EIF4E3: variants seen among roughly 807,000 people sequenced by gnomAD.
The protein encoded by EIF4E3 is eukaryotic translation initiation factor 4E type 3.
A neutral mutation model predicts 31.7 loss-of-function variants in EIF4E3; 26 were observed. That is an observed-to-expected ratio of 0.82 (90% CI 0.60 to 1.14). EIF4E3 has a LOEUF of 1.14. Ranked by LOEUF, EIF4E3 falls within the 50% of genes most tolerant of loss-of-function variation. The probability of loss-of-function intolerance (pLI) is 0.00; values close to 1 mark genes in which losing one functional copy is unlikely to be tolerated. For synonymous variants in EIF4E3, 128 were observed against 107.7 expected (o/e 1.19, Z -1.17); for missense variants, 304 against 270.9 (o/e 1.12, Z -0.86).
Position 71,684,721 on chromosome 3 carries a change from T to C in EIF4E3, c.636A>G (p.Glu212=). 6.2e-7 allele frequency: 1 copy of C among 1,613,918 alleles called. No homozygotes were observed. Residue 212 remains glutamate, a synonymous_variant, in exon 7 of 7, where the codon GAA becomes GAG. Transcript: ENST00000425534. ...GTCCACCTTCAAAAGCATGATGCTCTTCATGGGCTAAAGGACAGAAAAAAA... is the reference window on the plus strand; with the variant it reads ...GTCCACCTTCAAAAGCATGATGCTCCTCATGGGCTAAAGGACAGAAAAAAA... ...TFKAVFYKPH[E]EHHAFEGGRG... is the part of the protein sequence containing the mutation.
At chr3:71,753,577 G>T (rs1442794660) in exon 1 of EIF4E3, 1 of 150,094 alleles carries the variant, frequency 6.7e-6, no homozygotes, top group Admixed American at 6.7e-5. Context: ...GGGCCCAGGC[G>T]GTGCGGGATG....
At chr3:71,722,002 G>A (rs1271107792) in intron 1 of EIF4E3, among the ~76,000 whole-genome samples, 1 of 148,664 alleles carries the variant, frequency 6.7e-6, no homozygotes, top group Non-Finnish European at 1.5e-5. Context: ...GGGCATGGCA[G>A]AAGGGAGAGT....
chr3:71,750,311 G>A (rs2049913851), intron 1 of EIF4E3, among the ~76,000 whole-genome samples: 2 of 152,142 alleles, frequency 1.3e-5, no homozygotes, highest in Non-Finnish European at 2.9e-5. Flanking sequence ...GAGGTTAAGT[G>A]ACTTGTCGAA....
chr3:71,670,595 G>C (rs970914240), downstream of EIF4E3, among the ~76,000 whole-genome samples: 4 of 152,168 alleles, frequency 2.6e-5, no homozygotes, highest in African/African-American at 9.7e-5. Context: ...AAAATAAGCA[G>C]GTATTACTTT....
chr3:71,672,132 A>T (rs890781349), downstream of EIF4E3, among the ~76,000 whole-genome samples: 6 of 152,116 alleles, frequency 3.9e-5, no homozygotes, highest in Admixed American at 3.9e-4. Flanking sequence ...CAGGTACATA[A>T]ATTCCCTGGA....
Position 71,693,919 on chromosome 3 carries a change from A to T in EIF4E3, c.428T>A (p.Leu143Gln). Residue 143 changes from leucine (L) to glutamine (Q), a missense_variant, in exon 5 of 7, where the codon CTG becomes CAG. Physicochemically the swap from Leu to Gln is moderately radical, Grantham distance 113 (BLOSUM62 -2). Coordinates refer to ENST00000425534, the MANE Select transcript of EIF4E3 (RefSeq NM_001134651.2). ...GAACTGTTCCCCGATGGTTGCTAAC[A>T]GCAACTCTTTCCAAACTGTGGACTG... Reference protein sequence around the residue: ...DSTSTVWKELLLATIGEQFTD... With the variant: ...DSTSTVWKELQLATIGEQFTD... The T allele has an allele frequency of 2.5e-6, 4 of 1,586,356 alleles. No homozygotes were observed. The South Asian group carries it at 3.4e-5, about 14-fold the overall frequency.
intron 3 of EIF4E3, among the ~76,000 whole-genome samples, chr3:71,697,790 A>G (rs1267102129): frequency 2.0e-5 from 3 of 152,310 alleles, no homozygotes; most frequent in African/African-American, 4.8e-5. Context: ...TACATGTACC[A>G]TATTTTCTTT....
intron 1 of EIF4E3, among the ~76,000 whole-genome samples, chr3:71,750,607 A>G (rs2049916696): frequency 6.6e-6 from 1 of 152,184 alleles, no homozygotes; most frequent in South Asian, 2.1e-4. Context: ...TGTGGAGATC[A>G]TGAGGATGGA....
chr3:71,711,574 G>A (rs1435918263), intron 1 of EIF4E3, among the ~76,000 whole-genome samples: 6 of 152,210 alleles, frequency 3.9e-5, no homozygotes, highest in Admixed American at 6.5e-5. Flanking sequence ...GCTCAGAGGT[G>A]GAGGCAATGC....
At chr3:71,714,305 C>A (rs2321976) in intron 1 of EIF4E3, among the ~76,000 whole-genome samples, 138 of 90,292 alleles carry the variant, frequency 1.5e-3, no homozygotes, top group African/African-American at 5.4e-3. Context: ...AAGGAAGGAA[C>A]GAAAGAAAGG....
chr3:71,740,138 T>C (rs1046595477), intron 1 of EIF4E3, among the ~76,000 whole-genome samples: 2 of 151,804 alleles, frequency 1.3e-5, no homozygotes, highest in Non-Finnish European at 2.9e-5. Context: ...ATAAATAATA[T>C]TTAATTAATC....
chr3:71,684,699 C>G lies in EIF4E3; in HGVS notation c.658G>C (p.Gly220Arg). 6.2e-7 allele frequency: 1 copy of G among 1,613,606 alleles called. No homozygotes were observed. Among genetic ancestry groups the G allele is most frequent in the Non-Finnish European group, 8.5e-7 (1 of 1,179,866 alleles). Residue 220 changes from glycine (G) to arginine (R), a missense_variant, in exon 7 of 7, where the codon GGA (glycine) becomes CGA (arginine). Physicochemically the swap from Gly to Arg is moderately radical, Grantham distance 125. Transcript: ENST00000425534. ...PHEEHHAFEG[G>R]RGKH is the part of the protein sequence containing the mutation. ...GAGTGCAATTAGTGTTTTCCACGTC[C>G]ACCTTCAAAAGCATGATGCTCTTCA...
At chr3:71,717,621 T>C (rs1164038892) in intron 1 of EIF4E3, among the ~76,000 whole-genome samples, 1 of 152,192 alleles carries the variant, frequency 6.6e-6, no homozygotes, top group Non-Finnish European at 1.5e-5. Flanking sequence ...TCCGATACTT[T>C]AGGATGAGAG....
intron 1 of EIF4E3, among the ~76,000 whole-genome samples, chr3:71,722,932 C>T (rs2049573874): frequency 1.3e-5 from 2 of 152,206 alleles, no homozygotes; most frequent in Admixed American, 1.3e-4. Context: ...GAGACATAGC[C>T]TATGACTATC....
chr3:71,731,167 A>G (rs913366228), intron 1 of EIF4E3, among the ~76,000 whole-genome samples: 4 of 152,148 alleles, frequency 2.6e-5, no homozygotes, highest in African/African-American at 9.7e-5. Flanking sequence ...CCTGCCAGAC[A>G]GCAGCCTGAA....
intron 5 of EIF4E3, among the ~76,000 whole-genome samples, chr3:71,691,357 A>G (rs2049060979): frequency 6.6e-6 from 1 of 152,224 alleles, no homozygotes; most frequent in Admixed American, 6.5e-5. Context: ...AAAAGAAATA[A>G]TCGGCAGTAA....
intron 5 of EIF4E3, among the ~76,000 whole-genome samples, chr3:71,691,380 C>A (rs1390860786): frequency 6.6e-6 from 1 of 152,174 alleles, no homozygotes; most frequent in Non-Finnish European, 1.5e-5. Context: ...TAATTCCTTT[C>A]TTTTCTCCAT....
chr3:71,745,459 C>T (rs1213553925), intron 1 of EIF4E3, among the ~76,000 whole-genome samples: 2 of 152,186 alleles, frequency 1.3e-5, no homozygotes, highest in African/African-American at 4.8e-5. Flanking sequence ...TAGTTCAGAA[C>T]ATTTTATATG....
rs1182314595 is a variant in EIF4E3 at position 71,699,696 on chromosome 3, C to CA, written c.261dup (p.Val88CysfsTer4). On this transcript the variant is annotated frameshift_variant, in exon 3 of 7. Transcript: ENST00000425534. LOFTEE classifies it high-confidence loss of function. ...GTCACAGGAGGGATATTATTGTATA[C>CA]ACTCCAAAATATCTTTAAAAGAAAA... The CA allele has an allele frequency of 1.2e-6, 2 of 1,612,450 alleles. No homozygotes were observed. The highest frequency in any genetic ancestry group is 2.7e-5 in the African/African-American group (2 of 74,908).
Sources: gnomAD v4.1 joint callset for allele counts (sites outside exome capture counted in the v4.1 genomes callset) on GRCh38, gnomAD v4.1.1 for gene constraint, MANE v1.5 for transcripts, NCBI Gene and HGNC (gene_info 2026-07-23, HGNC 2026-07-21) for gene names.